Variants in PTPRM observed in about 807,000 individuals in gnomAD.
PTPRM encodes protein tyrosine phosphatase receptor type M.
PTPRM carries 47 observed loss-of-function variants against 186.7 expected under a neutral mutation model. The ratio of observed to expected loss-of-function variants is 0.25; its 90% CI spans 0.20 to 0.32. PTPRM has a LOEUF of 0.32. Ranked by LOEUF, PTPRM falls within the 10% of genes least tolerant of loss-of-function variation. The pLI is 1.00. For missense variants in PTPRM, 1,494 were observed against 1,865.0 expected, an observed-to-expected ratio of 0.80 and a Z score of 3.66; for synonymous variants, 668 against 674.9, an observed-to-expected ratio of 0.99 and a Z score of 0.16.
intron 5 of PTPRM, among the ~76,000 whole-genome samples, chr18:7,938,085 A>T (rs57095339): frequency 1.3e-5 from 2 of 152,176 alleles, no homozygotes; most frequent in Non-Finnish European, 2.9e-5. Context: ...CTGAACATAG[A>T]GATGCTCATT....
intron 14 of PTPRM, among the ~76,000 whole-genome samples, chr18:8,146,985 C>G (rs2092902341): frequency 6.6e-6 from 1 of 152,102 alleles, no homozygotes; most frequent in Admixed American, 6.5e-5. Context: ...TTTCTGAGGC[C>G]TATGTTCTGT....
intron 14 of PTPRM, among the ~76,000 whole-genome samples, chr18:8,169,984 G>A (rs547902901): frequency 7.2e-4 from 110 of 152,240 alleles, no homozygotes; most frequent in African/African-American, 2.6e-3. Flanking sequence ...AAGAGTCTTG[G>A]AGTTCATCTC....
chr18:8,344,434 G>GTA (rs1568792263), intron 23 of PTPRM, among the ~76,000 whole-genome samples: 1 of 81,182 alleles, frequency 1.2e-5, no homozygotes, highest in Admixed American at 1.3e-4. Context: ...ATATATATGT[G>GTA]TGTGTGTGTG....
chr18:7,824,741 T>A (rs923248866), intron 2 of PTPRM, among the ~76,000 whole-genome samples: 2 of 152,194 alleles, frequency 1.3e-5, no homozygotes, highest in Non-Finnish European at 2.9e-5. Flanking sequence ...ATGGTTTTCT[T>A]CTGGGATGTG....
At chr18:8,171,254 T>C (rs980493825) in intron 14 of PTPRM, among the ~76,000 whole-genome samples, 1 of 152,212 alleles carries the variant, frequency 6.6e-6, no homozygotes, top group African/African-American at 2.4e-5. Context: ...GCTTCTTGCA[T>C]CCAGAATGTG....
intron 7 of PTPRM, among the ~76,000 whole-genome samples, chr18:7,984,878 T>A (rs1330730902): frequency 1.2e-4 from 15 of 129,034 alleles, no homozygotes; most frequent in African/African-American, 4.6e-4. Context: ...TATATACATA[T>A]AATTATATAT....
intron 19 of PTPRM, among the ~76,000 whole-genome samples, chr18:8,289,015 C>T (rs2094991152): frequency 6.6e-6 from 1 of 152,074 alleles, no homozygotes. Context: ...GCCACATGCA[C>T]AGTGCAATGC....
In PTPRM at chr18:8,088,896, A is replaced by G. The variant is rs370151744; in HGVS notation, c.1856+45A>G. 83 of 1,406,014 alleles carry G rather than the reference A, an allele frequency of 5.9e-5. No homozygotes were observed. The African/African-American group carries it at 1.1e-3, about 19-fold the overall frequency. The allele number at this position is 1,406,014 out of a possible 1,614,324, so 87.1% of individuals were successfully genotyped here. On this transcript the variant is annotated intron_variant, in intron 11 of 32. Coordinates refer to ENST00000580170, the MANE Select transcript of PTPRM (RefSeq NM_001105244.2). ...GCCGGCTCTAGATAGAAGAAAACTAAATCAAGTTGATTAATTCCTCCAATG... is the reference window on the plus strand; with the variant it reads ...GCCGGCTCTAGATAGAAGAAAACTAGATCAAGTTGATTAATTCCTCCAATG...
intron 4 of PTPRM, among the ~76,000 whole-genome samples, chr18:7,924,191 TC>T (rs1294058477): frequency 6.6e-6 from 1 of 152,200 alleles, no homozygotes; most frequent in Non-Finnish European, 1.5e-5. Flanking sequence ...AGGCAGGTAT[TC>T]CAGTGGGCTT....
At chr18:7,574,623 C>T (rs550034067) in intron 1 of PTPRM, among the ~76,000 whole-genome samples, 1 of 152,142 alleles carries the variant, frequency 6.6e-6, no homozygotes, top group Admixed American at 6.6e-5. Flanking sequence ...TGGAAAGAAA[C>T]AGGGACTTTC....
At chr18:7,655,290 T>C (rs1168817449) in intron 1 of PTPRM, among the ~76,000 whole-genome samples, 1 of 152,158 alleles carries the variant, frequency 6.6e-6, no homozygotes, top group Non-Finnish European at 1.5e-5. Flanking sequence ...CTCCTGGGCT[T>C]AAGTGATGGT....
intron 7 of PTPRM, among the ~76,000 whole-genome samples, chr18:7,957,173 C>CTT (rs79379767): frequency 1.5e-3 from 208 of 136,678 alleles, no homozygotes; most frequent in Admixed American, 3.8e-3. Flanking sequence ...CAGTCCTGTT[C>CTT]TTTTTTTTTT....
chr18:7,985,932 A>G (rs961847032), intron 7 of PTPRM, among the ~76,000 whole-genome samples: 7 of 152,124 alleles, frequency 4.6e-5, no homozygotes, highest in Non-Finnish European at 1.0e-4. Flanking sequence ...TTGAATGTAC[A>G]CAAACCCTAA....
At chr18:8,071,930 T>G (rs2089504343) in intron 8 of PTPRM, among the ~76,000 whole-genome samples, 1 of 152,228 alleles carries the variant, frequency 6.6e-6, no homozygotes, top group Non-Finnish European at 1.5e-5. Flanking sequence ...CTTAGATACA[T>G]TAGGGATAGA....
At position 8,378,250 on chromosome 18, in the gene PTPRM, C is replaced by G. The variant is rs371467239; in HGVS notation, c.3463-15C>G. On this transcript the variant is annotated splice_polypyrimidine_tract_variant and intron_variant, in intron 26 of 32. Transcript: ENST00000580170. ...GTTCTCTAAAGTTAGTAACTCGTTC[C>G]ATCTCCTTCTCCAGGAGCAGTATGT... 893 of 1,602,480 alleles carry G rather than the reference C, an allele frequency of 5.6e-4. 1 individual carries two copies. Among genetic ancestry groups the G allele is most frequent in the Non-Finnish European group, 7.1e-4 (837 of 1,170,774 alleles).
chr18:7,871,292 A>C (rs2047971002), intron 2 of PTPRM, among the ~76,000 whole-genome samples: 1 of 152,182 alleles, frequency 6.6e-6, no homozygotes, highest in South Asian at 2.1e-4. Flanking sequence ...ATTGATGGTC[A>C]CTATTTGCAT....
chr18:8,035,428 A>G (rs1045144035), intron 7 of PTPRM, among the ~76,000 whole-genome samples: 15 of 152,126 alleles, frequency 9.9e-5, no homozygotes, highest in African/African-American at 3.6e-4. Flanking sequence ...GCAGCTACTC[A>G]AGTCCCTGAT....
intron 1 of PTPRM, among the ~76,000 whole-genome samples, chr18:7,576,307 A>G (rs1273683696): frequency 1.3e-5 from 2 of 152,210 alleles, no homozygotes; most frequent in Non-Finnish European, 2.9e-5. Context: ...TTTATTGCAT[A>G]CAATGAGAAG....
intron 14 of PTPRM, among the ~76,000 whole-genome samples, chr18:8,190,578 C>T (rs1390247819): frequency 6.6e-6 from 1 of 152,076 alleles, no homozygotes; most frequent in Non-Finnish European, 1.5e-5. Flanking sequence ...GAATCAGTGA[C>T]TAAATTAATT....
Sources: gnomAD v4.1 joint callset for allele counts (sites outside exome capture counted in the v4.1 genomes callset) on GRCh38, gnomAD v4.1.1 for gene constraint, MANE v1.5 for transcripts, NCBI Gene and HGNC (gene_info 2026-07-23, HGNC 2026-07-21) for gene names.